The following SMARCAD1 variants were observed in gnomAD, a reference collection of about 807,000 sequenced individuals.
The protein encoded by SMARCAD1 is SNF2 related chromatin remodeling ATPase with DExD box 1, also known as SWI/SNF-related matrix-associated actin-dependent regulator of chromatin subfamily A containing DEAD/H box 1.
A neutral mutation model predicts 127.1 loss-of-function variants in SMARCAD1; 25 were observed. That is an observed-to-expected ratio of 0.20 (90% CI 0.14 to 0.27). The LOEUF (loss-of-function observed/expected upper bound fraction) is 0.27. Among genes scored for constraint, SMARCAD1 ranks in the 10% least tolerant of loss-of-function variants. The probability of loss-of-function intolerance (pLI) is 1.00; values close to 1 mark genes in which losing one functional copy is unlikely to be tolerated. For synonymous variants in SMARCAD1, 400 were observed against 396.9 expected, an observed-to-expected ratio of 1.01 and a Z score of -0.09; for missense variants, 807 against 1,206.0, an observed-to-expected ratio of 0.67 and a Z score of 4.90.
At chr4:94,280,822 A>G in intron 20 of SMARCAD1, 42 bp downstream of exon 20, 1 of 1,577,312 alleles carries the variant, frequency 6.3e-7, no homozygotes, top group Non-Finnish European at 8.7e-7. Flanking sequence ...TTTCTCAATT[A>G]CTTTAACTTC....
intron 9 of SMARCAD1, among the ~76,000 whole-genome samples, chr4:94,259,324 T>C (rs143789361): frequency 2.6e-5 from 4 of 152,220 alleles, no homozygotes; most frequent in African/African-American, 4.8e-5. Context: ...ACCTGTGATA[T>C]TTGGGTTTAC....
intron 3 of SMARCAD1, among the ~76,000 whole-genome samples, chr4:94,230,025 C>T (rs1745594729): frequency 6.6e-6 from 1 of 151,946 alleles, no homozygotes; most frequent in East Asian, 1.9e-4. Context: ...ACAGTCAATG[C>T]ACTTGGATTA....
Position 94,290,806 on chromosome 4 carries a change from T to C in SMARCAD1, c.*1272T>C, listed in dbSNP as rs767945107. 1.8e-5 allele frequency: 8 copies of C among 433,486 alleles called. No homozygotes were observed. The highest frequency in any genetic ancestry group is 7.1e-5 in the East Asian group (1 of 14,086). 26.9% of individuals were successfully genotyped at this position (433,486 alleles called of 1,614,324 possible). ...TATGTAAATATCATTATAAATAAAC[T>C]TATTTATAAATCAAAGATTTGTTAA... On this transcript the variant is annotated 3_prime_UTR_variant, in exon 24 of 24. Transcript: ENST00000354268.
chr4:94,275,796 C>CTTTTTTTTTTTTTTTTTTTTTTT (rs535710589), intron 14 of SMARCAD1, among the ~76,000 whole-genome samples: 1 of 85,408 alleles, frequency 1.2e-5, no homozygotes, highest in African/African-American at 3.7e-5. Context: ...TTAACATTTT[C>CTTTTTTTTTTTTTTTTTTTTTTT]TTTTTTTTTT....
intron 5 of SMARCAD1, among the ~76,000 whole-genome samples, chr4:94,237,813 T>C (rs1016125047): frequency 6.6e-6 from 1 of 152,158 alleles, no homozygotes; most frequent in African/African-American, 2.4e-5. Context: ...TTCATTATTA[T>C]AGCACTAAAG....
intron 2 of SMARCAD1, among the ~76,000 whole-genome samples, chr4:94,216,571 C>T (rs1344361766): frequency 6.6e-6 from 1 of 152,180 alleles, no homozygotes; most frequent in East Asian, 1.9e-4. Context: ...GCACTCTTTT[C>T]ATCTTGTGAA....
At position 94,246,723 on chromosome 4, in the gene SMARCAD1, G is replaced by T. The variant is rs141441861; in HGVS notation, c.706-2931G>T. 7.5e-3 allele frequency among the ~76,000 whole-genome samples: 1,147 copies of T among 152,270 alleles called. 7 individuals are homozygous for T. The highest frequency in any genetic ancestry group is 0.026 in the African/African-American group (1,071 of 41,560). Reference sequence around the variant, plus strand: ...ATCAAGTCCAGTCAACATGATGTCAGTATAGTGGATCAAGTGATACTCTCT... The same window carrying T: ...ATCAAGTCCAGTCAACATGATGTCATTATAGTGGATCAAGTGATACTCTCT... On this transcript the variant is annotated intron_variant, in intron 6 of 23. Transcript: ENST00000354268.
At chr4:94,220,372 C>T (rs1309042198) in intron 2 of SMARCAD1, among the ~76,000 whole-genome samples, 1 of 152,104 alleles carries the variant, frequency 6.6e-6, no homozygotes, top group Non-Finnish European at 1.5e-5. Flanking sequence ...CTCAGCCTCC[C>T]TAGTAGCTGG....
In SMARCAD1 at chr4:94,236,517, A is replaced by G. The variant is rs547051597; in HGVS notation, c.538-435A>G. Among the ~76,000 whole-genome samples the G allele has an allele frequency of 8.5e-5, 13 of 152,250 alleles. No individual in the cohort carries two copies. The South Asian group carries it at 2.7e-3, about 32-fold the overall frequency. Reference sequence around the variant, plus strand: ...GTCCTTTTTCCCCTAGAAATTAAAAAAAAAGTAAATAGATGTCTGTCAGTC... The same window carrying G: ...GTCCTTTTTCCCCTAGAAATTAAAAGAAAAGTAAATAGATGTCTGTCAGTC... On this transcript the variant is annotated intron_variant, in intron 4 of 23. Transcript: ENST00000354268.
intron 10 of SMARCAD1, among the ~76,000 whole-genome samples, chr4:94,265,323 AAAATG>A (rs1407101280): frequency 6.6e-6 from 1 of 151,968 alleles, no homozygotes; most frequent in Non-Finnish European, 1.5e-5. Context: ...AATCATAAAT[AAAATG>A]AAATGATATC....
chr4:94,241,732 C>T (rs562145605), intron 6 of SMARCAD1, among the ~76,000 whole-genome samples: 52 of 152,248 alleles, frequency 3.4e-4, no homozygotes, highest in Non-Finnish European at 5.4e-4. Flanking sequence ...AATGGGAACT[C>T]GTTGGCCTCT....
chr4:94,213,153 G>T, intron 2 of SMARCAD1: 16 of 1,252,094 alleles, frequency 1.3e-5, no homozygotes, highest in Non-Finnish European at 1.7e-5. Context: ...GGAGAAAATG[G>T]TATGTAAATA....
chr4:94,275,813 T>G (rs80321042), intron 14 of SMARCAD1, among the ~76,000 whole-genome samples: 1 of 149,478 alleles, frequency 6.7e-6, no homozygotes, highest in African/African-American at 2.5e-5. Flanking sequence ...TTTTTTTTTT[T>G]TGAGACGGAG....
intron 2 of SMARCAD1, among the ~76,000 whole-genome samples, chr4:94,216,713 A>AAT (rs1743263125): frequency 6.6e-6 from 1 of 152,210 alleles, no homozygotes; most frequent in African/African-American, 2.4e-5. Flanking sequence ...ATCATCACTT[A>AAT]GCATAACATC....
chr4:94,281,702 C>T, intron 21 of SMARCAD1, 112 bp downstream of exon 21: 5 of 752,588 alleles, frequency 6.6e-6, no homozygotes, highest in South Asian at 6.1e-5. Flanking sequence ...TGTTTGATTA[C>T]TTCAAATCAT....
In SMARCAD1 at chr4:94,234,241, A is replaced by G. The variant is rs1045048741; in HGVS notation, c.537+119A>G. 11 of 921,882 alleles carry G rather than the reference A, an allele frequency of 1.2e-5. No individual in the cohort carries two copies. The African/African-American group carries it at 1.5e-4, about 13-fold the overall frequency. The allele number at this position is 921,882 out of a possible 1,614,324, so 57.1% of individuals were successfully genotyped here. A position where few individuals can be genotyped will look rare whatever the true frequency, so the allele number is the denominator to read the frequency against. Reference sequence around the variant, plus strand: ...TATCTTACGTTTGAAGATATTAACTATTAAATCTAAAGGAAGTAAATGCCA... The same window carrying G: ...TATCTTACGTTTGAAGATATTAACTGTTAAATCTAAAGGAAGTAAATGCCA... On this transcript the variant is annotated intron_variant, in intron 4 of 23. Coordinates refer to ENST00000354268, the MANE Select transcript of SMARCAD1 (RefSeq NM_020159.5).
intron 21 of SMARCAD1, among the ~76,000 whole-genome samples, chr4:94,282,288 G>T (rs1403485810): frequency 6.8e-6 from 1 of 146,930 alleles, no homozygotes; most frequent in African/African-American, 2.5e-5. Context: ...AGTAGAGACG[G>T]GGTTTCACCG....
chr4:94,286,682 A>G (rs1754983696), intron 23 of SMARCAD1, among the ~76,000 whole-genome samples: 1 of 152,178 alleles, frequency 6.6e-6, no homozygotes, highest in Non-Finnish European at 1.5e-5. Flanking sequence ...GGTGATGGGA[A>G]CAGAGGTGAT....
chr4:94,251,189 G>A (rs527277519), intron 8 of SMARCAD1, among the ~76,000 whole-genome samples: 81 of 152,174 alleles, frequency 5.3e-4, no homozygotes, highest in Non-Finnish European at 9.1e-4. Context: ...TTACTGTAAT[G>A]TAGATGTCTT....
Sources: gnomAD v4.1 joint callset for allele counts (sites outside exome capture counted in the v4.1 genomes callset) on GRCh38, gnomAD v4.1.1 for gene constraint, MANE v1.5 for transcripts, NCBI Gene and HGNC (gene_info 2026-07-23, HGNC 2026-07-21) for gene names.